Variants in UBE2J1 observed in about 807,000 individuals in gnomAD.
The protein encoded by UBE2J1 is ubiquitin conjugating enzyme E2 J1.
UBE2J1 carries 17 observed loss-of-function variants against 42.1 expected under a neutral mutation model. That is an observed-to-expected ratio of 0.40 (90% CI 0.28 to 0.61). UBE2J1 has a LOEUF of 0.61. Among genes scored for constraint, UBE2J1 ranks in the 20% least tolerant of loss-of-function variants. The pLI is 0.38. For synonymous variants in UBE2J1, 127 were observed against 137.2 expected (o/e 0.93, Z 0.52); for missense variants, 291 against 389.4 (o/e 0.75, Z 2.13).
intron 2 of UBE2J1, among the ~76,000 whole-genome samples, chr6:89,342,670 A>ATATTTTAT (rs1768270725): frequency 6.6e-6 from 1 of 152,204 alleles, no homozygotes; most frequent in African/African-American, 2.4e-5. Context: ...CATTGAGCTA[A>ATATTTTAT]AATATTTTAT....
chr6:89,345,934 C>T (rs1431984218), intron 1 of UBE2J1, among the ~76,000 whole-genome samples: 12 of 151,002 alleles, frequency 7.9e-5, no homozygotes, highest in African/African-American at 2.7e-4. Context: ...CCCTCCAGGC[C>T]GGAGGGCAGT....
At chr6:89,343,872 C>A in intron 1 of UBE2J1, 116 bp from the exon 2 acceptor site, 1 of 677,826 alleles carries the variant, frequency 1.5e-6, no homozygotes. Context: ...GAGCATATGG[C>A]AAAGGTTTAA....
chr6:89,343,731 C>A lies in UBE2J1; in HGVS notation c.57G>T (p.Ala19=). Residue 19 remains alanine, a synonymous_variant, in exon 2 of 8, where the codon GCG becomes GCT. Transcript: ENST00000435041. ...GATCTGTTGGATCTTTCAATTCTGC[C>A]GCTTCTTTCATTAAACGTTTAACAG... is the stretch of plus-strand genomic sequence containing the variant. ...SPAVKRLMKE[A]AELKDPTDHY... The A allele has an allele frequency of 1.9e-6, 3 of 1,608,830 alleles. No homozygotes were observed. The highest frequency in any genetic ancestry group is 2.5e-6 in the Non-Finnish European group (3 of 1,177,670).
chr6:89,342,450 G>A lies in UBE2J1; in HGVS notation c.111C>T (p.Asn37=), dbSNP rs138036945. The A allele has an allele frequency of 7.5e-6, 12 of 1,600,444 alleles. No individual in the cohort carries two copies. In the African/African-American group the frequency reaches 1.6e-4, roughly 22 times the overall value. Residue 37 remains asparagine (N), a synonymous_variant, in exon 3 of 8, where the codon AAC becomes AAT. Transcript: ENST00000435041. Reference sequence around the variant, plus strand: ...TAACCGTGAAGTGCCATTCAAAAAGGTTATCCTGAACAAAAACAATAATCC... The same window carrying A: ...TAACCGTGAAGTGCCATTCAAAAAGATTATCCTGAACAAAAACAATAATCC... ...DHYHAQPLED[N]LFEWHFTVRG... is the part of the protein sequence containing the mutation.
At chr6:89,345,005 G>A (rs1009828198) in intron 1 of UBE2J1, among the ~76,000 whole-genome samples, 1 of 152,134 alleles carries the variant, frequency 6.6e-6, no homozygotes, top group Non-Finnish European at 1.5e-5. Context: ...TAGGGAAAAG[G>A]CTTCTCAAAA....
intron 1 of UBE2J1, among the ~76,000 whole-genome samples, chr6:89,350,265 A>G (rs1039866436): frequency 1.3e-5 from 2 of 152,216 alleles, no homozygotes; most frequent in African/African-American, 4.8e-5. Context: ...TCATACATCA[A>G]AGACAATCCC....
chr6:89,332,658 G>A (rs1186537808), intron 7 of UBE2J1, among the ~76,000 whole-genome samples: 4 of 152,150 alleles, frequency 2.6e-5, no homozygotes, highest in African/African-American at 7.2e-5. Flanking sequence ...TGTGGCTGGT[G>A]GCTACTGTGT....
chr6:89,338,059 T>C (rs965293302), intron 5 of UBE2J1, 146 bp downstream of exon 5: 8 of 536,228 alleles, frequency 1.5e-5, no homozygotes, highest in African/African-American at 9.7e-5. Flanking sequence ...TACAACTGAA[T>C]TCCTAAAAGA....
chr6:89,343,990 A>G lies in UBE2J1; in HGVS notation c.32-234T>C, dbSNP rs537194707. 5.7e-4 allele frequency among the ~76,000 whole-genome samples: 87 copies of G among 152,316 alleles called. 1 individual carries two copies. In the South Asian group the frequency reaches 0.018, roughly 31 times the overall value. ...AATATATAGTGAAGACACTATTTTT[A>G]TTTAATAAGTACTTATATATACTTC... On this transcript the variant is annotated intron_variant, in intron 1 of 7. Coordinates refer to ENST00000435041, the MANE Select transcript of UBE2J1 (RefSeq NM_016021.3).
intron 3 of UBE2J1, among the ~76,000 whole-genome samples, chr6:89,339,495 GGGGAGGAGAGA>G (rs1308188077): frequency 4.4e-4 from 1 of 2,248 alleles, no homozygotes; most frequent in African/African-American, 2.0e-3. Context: ...AGAGGGGATG[GGGGAGGAGAGA>G]GGGGAGGGGA....
In UBE2J1 at chr6:89,342,470, T is replaced by C. The variant is rs778409839; in HGVS notation, c.106-15A>G. On this transcript the variant is annotated splice_polypyrimidine_tract_variant and intron_variant, in intron 2 of 7. Coordinates refer to ENST00000435041, the MANE Select transcript of UBE2J1 (RefSeq NM_016021.3). ...AAAAGGTTATCCTGAACAAAAACAA[T>C]AATCCACAAGGAATTAATAATATTG... The C allele has an allele frequency of 6.3e-7, 1 of 1,584,448 alleles. No individual in the cohort carries two copies. The highest frequency in any genetic ancestry group is 1.9e-5 in the Admixed American group (1 of 51,376).
chr6:89,346,363 A>G (rs540687839), intron 1 of UBE2J1, among the ~76,000 whole-genome samples: 1 of 152,230 alleles, frequency 6.6e-6, no homozygotes, highest in East Asian at 1.9e-4. Flanking sequence ...CTAAAGACTG[A>G]CGGCTGGGAG....
At chr6:89,350,501 G>C (rs574458451) in intron 1 of UBE2J1, among the ~76,000 whole-genome samples, 1 of 152,158 alleles carries the variant, frequency 6.6e-6, no homozygotes, top group African/African-American at 2.4e-5. Flanking sequence ...AGCATTTTCA[G>C]TAAGTCCCAT....
At chr6:89,334,255 G>A (rs556920382) in intron 6 of UBE2J1, among the ~76,000 whole-genome samples, 2 of 151,946 alleles carry the variant, frequency 1.3e-5, no homozygotes, top group East Asian at 1.9e-4. Context: ...TGCCTGTCTC[G>A]GCCTCCCAAA....
At chr6:89,343,297 T>C (rs541365120) in intron 2 of UBE2J1, among the ~76,000 whole-genome samples, 1 of 151,712 alleles carries the variant, frequency 6.6e-6, no homozygotes, top group East Asian at 1.9e-4. Context: ...TAGCCGGGCG[T>C]GGTGGTGGGG....
chr6:89,333,729 A>G (rs1156942418), intron 6 of UBE2J1, among the ~76,000 whole-genome samples: 2 of 152,190 alleles, frequency 1.3e-5, no homozygotes, highest in Admixed American at 6.5e-5. Context: ...TACAAAACAC[A>G]TTTGGTCCTG....
At chr6:89,343,592 T>C in intron 2 of UBE2J1, 91 bp downstream of exon 2, 1 of 846,164 alleles carries the variant, frequency 1.2e-6, no homozygotes, top group Non-Finnish European at 1.8e-6. Context: ...ATCACACACA[T>C]CTGTAATGAC....
chr6:89,347,253 C>T (rs1275336846), intron 1 of UBE2J1, among the ~76,000 whole-genome samples: 1 of 152,182 alleles, frequency 6.6e-6, no homozygotes, highest in Non-Finnish European at 1.5e-5. Flanking sequence ...ATAAACATAT[C>T]ATTCCTTTAA....
chr6:89,329,667 C>T lies in UBE2J1; in HGVS notation c.*12G>A, dbSNP rs933608686. ...AGCAGTTGAGTCACAGCTCATAAGT[C>T]ACAAAACCATATTATAACTCAAAGT... is the stretch of plus-strand genomic sequence containing the variant. On this transcript the variant is annotated 3_prime_UTR_variant, in exon 8 of 8. Transcript: ENST00000435041. The T allele has an allele frequency of 6.2e-7, 1 of 1,613,584 alleles. No homozygotes were observed.
Sources: gnomAD v4.1 joint callset for allele counts (sites outside exome capture counted in the v4.1 genomes callset) on GRCh38, gnomAD v4.1.1 for gene constraint, MANE v1.5 for transcripts, NCBI Gene and HGNC (gene_info 2026-07-23, HGNC 2026-07-21) for gene names.